The following IKBKB-DT variants were observed in gnomAD, a reference collection of about 807,000 sequenced individuals.
IKBKB-DT encodes IKBKB divergent transcript.
At chr8:42,246,349 G>A (rs547268007) in intron 3 of IKBKB-DT, among the ~76,000 whole-genome samples, 3 of 151,836 alleles carry the variant, frequency 2.0e-5, no homozygotes, top group South Asian at 2.1e-4. Flanking sequence ...TCAAGATATA[G>A]TACTAAGTAA....
intron 3 of IKBKB-DT, among the ~76,000 whole-genome samples, chr8:42,247,373 C>T (rs1169089067): frequency 1.3e-5 from 2 of 152,290 alleles, no homozygotes; most frequent in African/African-American, 4.8e-5. Flanking sequence ...GGAATGGGAG[C>T]ATTTGCCCAA....
At chr8:42,262,740 A>G (rs561109980) in intron 3 of IKBKB-DT, among the ~76,000 whole-genome samples, 4 of 148,840 alleles carry the variant, frequency 2.7e-5, no homozygotes, top group Non-Finnish European at 5.9e-5. Flanking sequence ...TGCCTGGCCT[A>G]TTTTTTTATT....
chr8:42,260,906 CAG>C (rs1374430589), intron 3 of IKBKB-DT, among the ~76,000 whole-genome samples: 1 of 152,116 alleles, frequency 6.6e-6, no homozygotes, highest in Non-Finnish European at 1.5e-5. Context: ...CCTCTCCAAA[CAG>C]GGTGCAAAGA....
chr8:42,268,965 C>T (rs1293289078), intron 1 of IKBKB-DT, among the ~76,000 whole-genome samples: 6 of 152,172 alleles, frequency 3.9e-5, no homozygotes, highest in African/African-American at 9.7e-5. Flanking sequence ...ACTATTTACT[C>T]ATGTTCCTGT....
intron 3 of IKBKB-DT, among the ~76,000 whole-genome samples, chr8:42,244,267 C>T (rs375049371): frequency 6.6e-6 from 1 of 152,108 alleles, no homozygotes; most frequent in African/African-American, 2.4e-5. Flanking sequence ...CAGAGTCTTC[C>T]AGTCTTACTT....
At chr8:42,234,804 A>G (rs956082885) in intron 3 of IKBKB-DT, among the ~76,000 whole-genome samples, 4 of 151,984 alleles carry the variant, frequency 2.6e-5, no homozygotes, top group Non-Finnish European at 4.4e-5. Flanking sequence ...TAATTTTTGT[A>G]CTTTCAATAG....
chr8:42,271,085 AG>A (rs1341450084), exon 1 of IKBKB-DT: 1 of 383,830 alleles, frequency 2.6e-6, no homozygotes, highest in Non-Finnish European at 4.8e-6. Context: ...TAAAGAGAAC[AG>A]GGTGTAACGG....
At chr8:42,240,467 C>T (rs1359495202) in intron 3 of IKBKB-DT, among the ~76,000 whole-genome samples, 1 of 149,524 alleles carries the variant, frequency 6.7e-6, no homozygotes, top group Non-Finnish European at 1.5e-5. Flanking sequence ...TACTAAAAAT[C>T]CAAAAACATT....
intron 2 of IKBKB-DT, among the ~76,000 whole-genome samples, chr8:42,264,654 G>C (rs1288497171): frequency 6.6e-6 from 1 of 151,962 alleles, no homozygotes; most frequent in Non-Finnish European, 1.5e-5. Flanking sequence ...CGCCTCCCTA[G>C]TTCAAGCAAC....
chr8:42,261,319 C>A (rs1389198509), intron 3 of IKBKB-DT, among the ~76,000 whole-genome samples: 2 of 152,120 alleles, frequency 1.3e-5, no homozygotes, highest in African/African-American at 2.4e-5. Flanking sequence ...CAGTGAGACC[C>A]TATTCACCTC....
At chr8:42,258,070 G>C (rs1204807101) in intron 3 of IKBKB-DT, among the ~76,000 whole-genome samples, 1 of 151,740 alleles carries the variant, frequency 6.6e-6, no homozygotes, top group African/African-American at 2.4e-5. Context: ...GCAAATTCTA[G>C]ATTTCCTACA....
intron 3 of IKBKB-DT, among the ~76,000 whole-genome samples, chr8:42,255,994 C>T (rs1342889221): frequency 5.3e-5 from 8 of 150,094 alleles, no homozygotes; most frequent in Non-Finnish European, 1.0e-4. Context: ...CCATTGCACT[C>T]CAGCCTGGGC....
chr8:42,267,978 C>T (rs1403205551), intron 1 of IKBKB-DT, among the ~76,000 whole-genome samples: 2 of 152,030 alleles, frequency 1.3e-5, no homozygotes, highest in Non-Finnish European at 2.9e-5. Context: ...ATTACAGGAG[C>T]GCAGAGTAAA....
At chr8:42,242,107 CAGG>C (rs1371474959) in intron 3 of IKBKB-DT, among the ~76,000 whole-genome samples, 2 of 152,062 alleles carry the variant, frequency 1.3e-5, no homozygotes, top group African/African-American at 2.4e-5. Context: ...CTCAGCTACT[CAGG>C]AGGCTGAGGC....
chr8:42,267,004 G>GTTT (rs527900913), intron 1 of IKBKB-DT, among the ~76,000 whole-genome samples: 3 of 125,598 alleles, frequency 2.4e-5, no homozygotes, highest in Non-Finnish European at 4.9e-5. Context: ...TTTTTTTTTT[G>GTTT]TTTTTTTTTT....
intron 1 of IKBKB-DT, among the ~76,000 whole-genome samples, chr8:42,270,027 C>G (rs887205631): frequency 6.6e-6 from 1 of 152,162 alleles, no homozygotes; most frequent in Non-Finnish European, 1.5e-5. Context: ...GTTTAAGTAA[C>G]CAGCCCCCGT....
At chr8:42,245,515 TG>T (rs1807052254) in intron 3 of IKBKB-DT, among the ~76,000 whole-genome samples, 1 of 152,224 alleles carries the variant, frequency 6.6e-6, no homozygotes, top group Non-Finnish European at 1.5e-5. Flanking sequence ...GAGAAGCCTT[TG>T]AGCGGTGGAG....
intron 3 of IKBKB-DT, among the ~76,000 whole-genome samples, chr8:42,260,448 G>A (rs1291758471): frequency 1.3e-5 from 2 of 151,948 alleles, no homozygotes; most frequent in African/African-American, 4.8e-5. Flanking sequence ...GGCAGATCAG[G>A]AGGTCAGGAG....
chr8:42,268,632 T>C (rs1432116124), intron 1 of IKBKB-DT, among the ~76,000 whole-genome samples: 2 of 151,162 alleles, frequency 1.3e-5, no homozygotes, highest in African/African-American at 4.9e-5. Context: ...ACTGGTGCGA[T>C]CTCCACTCAC....
Sources: allele counts gnomAD v4.1 joint callset (sites outside exome capture counted in the v4.1 genomes callset), GRCh38; gene constraint gnomAD v4.1.1; transcripts MANE v1.5; gene names NCBI Gene and HGNC (gene_info 2026-07-23, HGNC 2026-07-21).